The following COMT variants were observed in gnomAD, a reference collection of about 807,000 sequenced individuals.
COMT encodes the protein catechol-O-methyltransferase, also known as catechol O-methyltransferase.
Under a neutral mutation model 18.9 loss-of-function variants are expected in COMT, and 13 were observed. The ratio of observed to expected loss-of-function variants is 0.69; its 90% CI spans 0.45 to 1.09. COMT has a LOEUF of 1.09. Among genes scored for constraint, COMT ranks in the 50% least tolerant of loss-of-function variants. The pLI is 0.00. For synonymous variants in COMT, 150 were observed against 160.9 expected, an observed-to-expected ratio of 0.93 and a Z score of 0.51; for missense variants, 329 against 361.8, an observed-to-expected ratio of 0.91 and a Z score of 0.73.
At chr22:19,954,002 A>T (rs967439118) in intron 1 of COMT, among the ~76,000 whole-genome samples, 7 of 152,112 alleles carry the variant, frequency 4.6e-5, no homozygotes, top group Non-Finnish European at 1.0e-4. Flanking sequence ...ACAGTAAAGG[A>T]GTGGAGGGGC....
intron 5 of COMT, chr22:19,965,261 T>C (rs1601533039): frequency 6.6e-6 from 1 of 152,308 alleles, no homozygotes; most frequent in Admixed American, 6.5e-5. Context: ...CCTGTAACCC[T>C]TGCACTTTGG....
intron 5 of COMT, 85 bp from the exon 6 acceptor site, chr22:19,968,451 T>C: frequency 7.4e-7 from 1 of 1,346,796 alleles, no homozygotes; most frequent in Non-Finnish European, 1.0e-6. Flanking sequence ...TGCCGTGGCC[T>C]AGTGAGGAGC....
chr22:19,942,670 C>T (rs941230081), intron 1 of COMT, among the ~76,000 whole-genome samples: 1 of 152,166 alleles, frequency 6.6e-6, no homozygotes, highest in African/African-American at 2.4e-5. Context: ...AGCTGCCCTG[C>T]AGAGCCCAGT....
At chr22:19,954,700 G>A (rs138847990) in intron 1 of COMT, among the ~76,000 whole-genome samples, 11 of 152,256 alleles carry the variant, frequency 7.2e-5, no homozygotes, top group Admixed American at 2.0e-4. Context: ...TGATCCACCC[G>A]CCTCAGCCTC....
In COMT at chr22:19,947,903, C is replaced by G. The variant is rs542382033; in HGVS notation, c.-92+6006C>G. On this transcript the variant is annotated intron_variant, in intron 1 of 5. Coordinates refer to ENST00000361682, the MANE Select transcript of COMT (RefSeq NM_000754.4). Reference sequence around the variant, plus strand: ...GCTAAGTAACAGGCGTCTTCCCAGGCGCTGACGTTACCACTAGACCAAGGA... The same window carrying G: ...GCTAAGTAACAGGCGTCTTCCCAGGGGCTGACGTTACCACTAGACCAAGGA... Among the ~76,000 whole-genome samples, 7 of 152,306 alleles carry G rather than the reference C, an allele frequency of 4.6e-5. No homozygotes were observed. The South Asian group carries it at 1.4e-3, about 32-fold the overall frequency.
chr22:19,964,422 G>A (rs1942287678), intron 5 of COMT, 123 bp downstream of exon 5: 1 of 1,385,464 alleles, frequency 7.2e-7, no homozygotes, highest in Non-Finnish European at 1.0e-6. Flanking sequence ...TCGCTCTGGA[G>A]GCACCACCTG....
At chr22:19,951,909 G>A (rs174690) in intron 1 of COMT, among the ~76,000 whole-genome samples, 55,996 of 152,150 alleles carry the variant, frequency 0.37, 10,959 homozygotes, top group Non-Finnish European at 0.43. Context: ...CCCATCTTCA[G>A]GTGTTGGCCA....
chr22:19,948,567 G>A (rs200402934), intron 1 of COMT, among the ~76,000 whole-genome samples: 6 of 152,286 alleles, frequency 3.9e-5, no homozygotes, highest in Non-Finnish European at 5.9e-5. Context: ...GACTGAGGCG[G>A]GAGGATCACT....
At chr22:19,949,855 T>A (rs999521918) in intron 1 of COMT, among the ~76,000 whole-genome samples, 1 of 152,218 alleles carries the variant, frequency 6.6e-6, no homozygotes, top group Non-Finnish European at 1.5e-5. Flanking sequence ...GAATATACCA[T>A]CTTATAATCT....
chr22:19,966,037 T>C (rs1007577791), intron 5 of COMT, among the ~76,000 whole-genome samples: 3 of 152,248 alleles, frequency 2.0e-5, no homozygotes, highest in African/African-American at 7.2e-5. Context: ...TACAGGGGCC[T>C]GCCTTCATAG....
intron 1 of COMT, among the ~76,000 whole-genome samples, chr22:19,953,777 G>C (rs905336047): frequency 3.9e-5 from 6 of 152,150 alleles, no homozygotes; most frequent in African/African-American, 1.4e-4. Context: ...ACTGAGCCAA[G>C]CCAGCCTCCA....
chr22:19,947,625 T>C (rs9332334), intron 1 of COMT, among the ~76,000 whole-genome samples: 12,739 of 152,228 alleles, frequency 0.084, 777 homozygotes, highest in African/African-American at 0.17. Context: ...ACTAATTTTG[T>C]TACTGCTAGT....
At chr22:19,954,847 G>A (rs947609057) in intron 1 of COMT, among the ~76,000 whole-genome samples, 1 of 152,200 alleles carries the variant, frequency 6.6e-6, no homozygotes, top group African/African-American at 2.4e-5. Flanking sequence ...CTCTTCTCAG[G>A]TGTCACCGGG....
chr22:19,947,469 T>C (rs1601508171), intron 1 of COMT, among the ~76,000 whole-genome samples: 1 of 151,690 alleles, frequency 6.6e-6, no homozygotes, highest in Non-Finnish European at 1.5e-5. Context: ...GGGTAAGGAG[T>C]GTGAGCTATC....
At chr22:19,960,655 G>A (rs1449743113) in intron 1 of COMT, among the ~76,000 whole-genome samples, 2 of 152,240 alleles carry the variant, frequency 1.3e-5, no homozygotes, top group Non-Finnish European at 2.9e-5. Context: ...CTGCAGCTGT[G>A]GACAGGGGCA....
intron 1 of COMT, among the ~76,000 whole-genome samples, chr22:19,959,731 GC>G (rs1262650597): frequency 6.6e-6 from 1 of 152,236 alleles, no homozygotes; most frequent in Non-Finnish European, 1.5e-5. Flanking sequence ...GGGCACTGTA[GC>G]CCCCAGGCAC....
chr22:19,963,257 C>T, intron 3 of COMT: 1 of 549,182 alleles, frequency 1.8e-6, no homozygotes. Context: ...GAGAGGGCAG[C>T]TCTGTGTTAG....
In COMT at chr22:19,961,308, GC is replaced by G. The variant is rs1321454108; in HGVS notation, c.-1+21del. 1 of 152,556 alleles carries G rather than the reference GC, an allele frequency of 6.6e-6. No homozygotes were observed. The highest frequency in any genetic ancestry group is 1.5e-5 in the Non-Finnish European group (1 of 68,302). The allele number at this position is 152,556 out of a possible 1,614,324, so 9.5% of individuals were successfully genotyped here. A position where few individuals can be genotyped will look rare whatever the true frequency, so the allele number is the denominator to read the frequency against. Reference sequence around the variant, plus strand: ...TTTGAAGGTGAGTTGGCCAACGGAAGCCGGGGCAGTGCCAGGGTGGGTACAG... The same window carrying G: ...TTTGAAGGTGAGTTGGCCAACGGAAGCGGGGCAGTGCCAGGGTGGGTACAG... On this transcript the variant is annotated intron_variant, in intron 2 of 5. Transcript: ENST00000361682.
intron 1 of COMT, among the ~76,000 whole-genome samples, chr22:19,957,721 G>A (rs1391380610): frequency 1.3e-5 from 2 of 152,258 alleles, no homozygotes; most frequent in Non-Finnish European, 2.9e-5. Context: ...GATCATGCCT[G>A]CCCTCTACTG....
Sources: gnomAD v4.1 joint callset for allele counts (sites outside exome capture counted in the v4.1 genomes callset) on GRCh38, gnomAD v4.1.1 for gene constraint, MANE v1.5 for transcripts, NCBI Gene and HGNC (gene_info 2026-07-23, HGNC 2026-07-21) for gene names.